SLC2A14: variants seen among roughly 807,000 people sequenced by gnomAD.
SLC2A14 encodes solute carrier family 2, facilitated glucose transporter member 14.
SLC2A14 carries 13 observed loss-of-function variants against 43.0 expected under a neutral mutation model. The ratio of observed to expected loss-of-function variants is 0.30; its 90% CI spans 0.20 to 0.48. The LOEUF is 0.48. Among genes scored for constraint, SLC2A14 ranks in the 20% least tolerant of loss-of-function variants. The pLI, the probability that SLC2A14 is intolerant of heterozygous loss-of-function variation, is 0.99. For synonymous variants in SLC2A14, 190 were observed against 233.8 expected, an observed-to-expected ratio of 0.81 and a Z score of 1.71; for missense variants, 428 against 620.4, an observed-to-expected ratio of 0.69 and a Z score of 3.29.
At chr12:7,878,555 A>G (rs1470475134) in intron 1 of SLC2A14, among the ~76,000 whole-genome samples, 1 of 151,764 alleles carries the variant, frequency 6.6e-6, no homozygotes, top group African/African-American at 2.4e-5. Context: ...CACCCTGCCC[A>G]GCCAGTTTTA....
At chr12:7,881,455 C>T (rs1402010034) in intron 1 of SLC2A14, among the ~76,000 whole-genome samples, 2 of 151,980 alleles carry the variant, frequency 1.3e-5, no homozygotes, top group African/African-American at 4.8e-5. Flanking sequence ...GTGCTGGGTT[C>T]CCCAGCAGTG....
chr12:7,889,364 GC>G (rs1305721613), intron 1 of SLC2A14, among the ~76,000 whole-genome samples: 1 of 151,204 alleles, frequency 6.6e-6, no homozygotes, highest in African/African-American at 2.4e-5. Flanking sequence ...CTCTCAAGTA[GC>G]TGAGAGATTA....
chr12:7,875,069 ATAT>A (rs1266093886), upstream of SLC2A14, among the ~76,000 whole-genome samples: 62 of 123,412 alleles, frequency 5.0e-4, 1 homozygote, highest in East Asian at 2.7e-3. Context: ...TATATATTAA[ATAT>A]TATATTTAAT....
At chr12:7,854,288 G>T (rs770900786) in intron 2 of SLC2A14, among the ~76,000 whole-genome samples, 21 of 151,980 alleles carry the variant, frequency 1.4e-4, no homozygotes, top group African/African-American at 5.1e-4. Flanking sequence ...AGTTATTCAG[G>T]ATTTTTCTCT....
At chr12:7,875,310 C>T (rs1174489684), upstream of SLC2A14, among the ~76,000 whole-genome samples, 1 of 146,742 alleles carries the variant, frequency 6.8e-6, no homozygotes, top group Admixed American at 7.0e-5. Flanking sequence ...GAGTTCAAGG[C>T]CAGCCTGCCC....
upstream of SLC2A14, among the ~76,000 whole-genome samples, chr12:7,877,819 T>G (rs1945488845): frequency 6.6e-6 from 1 of 152,132 alleles, no homozygotes; most frequent in Non-Finnish European, 1.5e-5. Flanking sequence ...TGCAGTTCAC[T>G]ACAACCTCCA....
chr12:7,834,031 G>A (rs2120803677), intron 2 of SLC2A14, among the ~76,000 whole-genome samples: 1 of 141,680 alleles, frequency 7.1e-6, no homozygotes, highest in Non-Finnish European at 1.6e-5. Context: ...GAAAGCTTCA[G>A]TAGAACTGAC....
chr12:7,874,528 C>T (rs1431025075), upstream of SLC2A14, among the ~76,000 whole-genome samples: 6 of 151,458 alleles, frequency 4.0e-5, no homozygotes, highest in Non-Finnish European at 4.4e-5. Flanking sequence ...AAAAACTAGC[C>T]GGGCGTGGTG....
chr12:7,866,760 A>G (rs779444973), intron 2 of SLC2A14, among the ~76,000 whole-genome samples: 1 of 152,312 alleles, frequency 6.6e-6, no homozygotes, highest in East Asian at 1.9e-4. Flanking sequence ...GTTTAAGGAA[A>G]GAAGCTGTCC....
intron 3 of SLC2A14, 132 bp downstream of exon 3, chr12:7,832,590 C>G: frequency 1.1e-6 from 1 of 938,590 alleles, no homozygotes; most frequent in Non-Finnish European, 1.6e-6. Flanking sequence ...ATCTTTAAGC[C>G]TCAGCCTCCG....
upstream of SLC2A14, among the ~76,000 whole-genome samples, chr12:7,875,195 TA>T (rs1945440509): frequency 2.6e-5 from 1 of 38,626 alleles, no homozygotes; most frequent in African/African-American, 8.5e-5. Context: ...ATAAATATAT[TA>T]AAATATATTT....
chr12:7,883,655 C>T (rs12579807), intron 1 of SLC2A14, among the ~76,000 whole-genome samples: 57,509 of 131,240 alleles, frequency 0.44, 12,434 homozygotes, highest in East Asian at 0.66. Context: ...AGTGCAGTCT[C>T]GGCTCACAGC....
upstream of SLC2A14, among the ~76,000 whole-genome samples, chr12:7,878,016 C>G (rs1945492500): frequency 6.6e-6 from 1 of 152,148 alleles, no homozygotes; most frequent in Non-Finnish European, 1.5e-5. Flanking sequence ...GCTGGGATTA[C>G]AGGCGTGAGC....
chr12:7,824,507 G>C (rs1212015687), intron 7 of SLC2A14, among the ~76,000 whole-genome samples: 3 of 151,838 alleles, frequency 2.0e-5, no homozygotes, highest in African/African-American at 7.3e-5. Context: ...GCATAGGCGG[G>C]CAGATCACTT....
intron 7 of SLC2A14, among the ~76,000 whole-genome samples, chr12:7,824,666 G>A (rs1864192722): frequency 6.7e-6 from 1 of 148,366 alleles, no homozygotes; most frequent in Non-Finnish European, 1.5e-5. Flanking sequence ...CCAGGAGGTG[G>A]AAGTTGCAGT....
intron 2 of SLC2A14, among the ~76,000 whole-genome samples, chr12:7,851,042 T>C (rs185279260): frequency 1.1e-4 from 16 of 152,294 alleles, no homozygotes; most frequent in African/African-American, 3.8e-4. Flanking sequence ...AGAAACACCC[T>C]TGGTACAACA....
chr12:7,851,158 C>A (rs1187117803), intron 2 of SLC2A14, among the ~76,000 whole-genome samples: 1 of 151,824 alleles, frequency 6.6e-6, no homozygotes, highest in African/African-American at 2.4e-5. Context: ...GTGGTACAGA[C>A]TACGCTACAG....
chr12:7,821,421 G>T (rs1863898954), intron 7 of SLC2A14, 96 bp from the exon 8 acceptor site: 1 of 1,080,574 alleles, frequency 9.3e-7, no homozygotes, highest in Non-Finnish European at 1.4e-6. Flanking sequence ...GGTTGCACAG[G>T]CCTGTAATCC....
intron 1 of SLC2A14, among the ~76,000 whole-genome samples, chr12:7,886,354 AT>A: frequency 6.5e-5 from 1 of 15,446 alleles, no homozygotes; most frequent in South Asian, 1.8e-3. Flanking sequence ...TTATTTATTT[AT>A]TTATTTATTT....
Sources: gnomAD v4.1 joint callset for allele counts (sites outside exome capture counted in the v4.1 genomes callset) on GRCh38, gnomAD v4.1.1 for gene constraint, MANE v1.5 for transcripts, NCBI Gene and HGNC (gene_info 2026-07-23, HGNC 2026-07-21) for gene names.